Variants in AMN1 observed in about 807,000 individuals in gnomAD.
AMN1 encodes the protein antagonist of mitotic exit network 1 homolog, also known as protein AMN1 homolog.
A neutral mutation model predicts 33.0 loss-of-function variants in AMN1; 20 were observed. The ratio of observed to expected loss-of-function variants is 0.61; its 90% CI spans 0.43 to 0.88. AMN1 has a LOEUF of 0.88. Among genes scored for constraint, AMN1 ranks in the 40% least tolerant of loss-of-function variants. The pLI is 0.00. For missense variants in AMN1, 246 were observed against 307.4 expected, an observed-to-expected ratio of 0.80 and a Z score of 1.49; for synonymous variants, 114 against 111.9, an observed-to-expected ratio of 1.02 and a Z score of -0.12.
chr12:31,676,499 T>G (rs1283209908), intron 6 of AMN1, among the ~76,000 whole-genome samples: 1 of 151,300 alleles, frequency 6.6e-6, no homozygotes, highest in Non-Finnish European at 1.5e-5. Context: ...TTTTTTTGTA[T>G]TTTTAGTAGA....
chr12:31,676,541 C>T (rs1937712280), intron 6 of AMN1, among the ~76,000 whole-genome samples: 1 of 151,204 alleles, frequency 6.6e-6, no homozygotes, highest in Non-Finnish European at 1.5e-5. Flanking sequence ...CCAGGATGGT[C>T]TCGATCTCCT....
intron 1 of AMN1, among the ~76,000 whole-genome samples, chr12:31,720,758 A>C (rs536209101): frequency 6.6e-6 from 1 of 152,356 alleles, no homozygotes; most frequent in East Asian, 1.9e-4. Flanking sequence ...TCCTTTTTAC[A>C]GCTGAATAAC....
chr12:31,717,409 T>A (rs545615330), intron 1 of AMN1, among the ~76,000 whole-genome samples: 1 of 152,368 alleles, frequency 6.6e-6, no homozygotes, highest in South Asian at 2.1e-4. Flanking sequence ...AATAAACATA[T>A]GTGTGCAATA....
chr12:31,726,851 T>C (rs1036322084), intron 1 of AMN1, among the ~76,000 whole-genome samples: 1 of 152,248 alleles, frequency 6.6e-6, no homozygotes, highest in African/African-American at 2.4e-5. Flanking sequence ...GTCATCCCTG[T>C]CTTAGCCCCA....
chr12:31,709,330 C>G lies in AMN1; in HGVS notation c.134G>C (p.Ser45Thr), dbSNP rs772953536. The G allele has an allele frequency of 3.1e-6, 5 of 1,613,728 alleles. No individual in the cohort carries two copies. The Admixed American group carries it at 5.0e-5, about 16-fold the overall frequency. The part of the protein sequence containing the change: ...NIKDRLIKIM[S>T]MQGQITDSNI... ...TGAATCTGTTATCTGTCCCTGCATA[C>G]TCATTATTTTAATCAGTCTGTCTTT... Residue 45 changes from serine (S) to threonine (T), a missense_variant, in exon 2 of 7, where the codon AGT (serine) becomes ACT (threonine). By Grantham distance (58) the Ser-to-Thr change is moderately conservative. Coordinates refer to ENST00000281471, the MANE Select transcript of AMN1 (RefSeq NM_001113402.2).
chr12:31,700,662 G>A (rs1938951161), intron 3 of AMN1, among the ~76,000 whole-genome samples: 1 of 151,404 alleles, frequency 6.6e-6, no homozygotes, highest in East Asian at 1.9e-4. Context: ...ATGTATCCAT[G>A]TTTTGTTTTT....
At chr12:31,688,058 G>A (rs1410325249) in intron 6 of AMN1, among the ~76,000 whole-genome samples, 1 of 152,176 alleles carries the variant, frequency 6.6e-6, no homozygotes, top group East Asian at 1.9e-4. Flanking sequence ...GAGTTCAAGT[G>A]ATTCTCCGTC....
At chr12:31,727,037 T>C (rs1321249882) in intron 1 of AMN1, among the ~76,000 whole-genome samples, 2 of 152,210 alleles carry the variant, frequency 1.3e-5, no homozygotes, top group African/African-American at 4.8e-5. Context: ...TTATTTTTGG[T>C]AGAGACATGG....
chr12:31,685,379 A>G (rs1028180878), intron 6 of AMN1, among the ~76,000 whole-genome samples: 16 of 152,306 alleles, frequency 1.1e-4, no homozygotes, highest in African/African-American at 3.1e-4. Context: ...CTTAAGGTTC[A>G]ACATTAACAG....
chr12:31,701,550 T>C (rs1036569975), intron 3 of AMN1, among the ~76,000 whole-genome samples: 8 of 152,166 alleles, frequency 5.3e-5, no homozygotes, highest in African/African-American at 1.9e-4. Flanking sequence ...GCTCAAGCAG[T>C]CTGCCGGCCT....
intron 1 of AMN1, among the ~76,000 whole-genome samples, chr12:31,721,013 T>A (rs528891098): frequency 3.2e-4 from 48 of 152,310 alleles, no homozygotes; most frequent in African/African-American, 1.1e-3. Flanking sequence ...CGTGGGAATA[T>A]CTCTTGAGTC....
intron 1 of AMN1, among the ~76,000 whole-genome samples, chr12:31,713,287 GTA>G (rs1467161604): frequency 6.6e-6 from 1 of 152,076 alleles, no homozygotes; most frequent in African/African-American, 2.4e-5. Context: ...TATGTTTAAT[GTA>G]TATATGTTTA....
At chr12:31,704,849 T>C (rs1171797534) in intron 2 of AMN1, among the ~76,000 whole-genome samples, 4 of 152,138 alleles carry the variant, frequency 2.6e-5, no homozygotes, top group African/African-American at 4.8e-5. Flanking sequence ...ATGGTAAGGA[T>C]TGCCATCAAA....
chr12:31,728,292 G>A (rs1163443560), intron 1 of AMN1, among the ~76,000 whole-genome samples: 1 of 152,150 alleles, frequency 6.6e-6, no homozygotes, highest in Non-Finnish European at 1.5e-5. Context: ...ACAATTTCTG[G>A]TAGGAAATAA....
rs778123903 is a variant in AMN1 at position 31,701,996 on chromosome 12, A to C, written c.183T>G (p.Pro61=). ...TCCGTAGATCTAGAGTTTGGACTTC[A>C]GGATGTAAAATCTATAACAAATAAG... is the stretch of plus-strand genomic sequence containing the variant. ...TDSNISEILH[P]EVQTLDLRSC... The change falls in exon 3 of 7, where the codon CCT becomes CCG. Residue 61 remains proline, a synonymous_variant. Coordinates refer to ENST00000281471, the MANE Select transcript of AMN1 (RefSeq NM_001113402.2). 6.3e-7 allele frequency: 1 copy of C among 1,596,196 alleles called. No homozygotes were observed. Among genetic ancestry groups the C allele is most frequent in the Non-Finnish European group, 8.5e-7 (1 of 1,174,780 alleles).
At chr12:31,729,084 C>T, upstream of AMN1, 15 of 1,424,402 alleles carry the variant, frequency 1.1e-5, no homozygotes, top group Non-Finnish European at 1.4e-5. Context: ...CCAACTCCCG[C>T]CCACCGCGCG....
At position 31,709,204 on chromosome 12, in the gene AMN1, T is replaced by C. The variant is rs758794930; in HGVS notation, c.171+89A>G. 21 of 1,432,420 alleles carry C rather than the reference T, an allele frequency of 1.5e-5. No individual in the cohort carries two copies. In the South Asian group the frequency reaches 2.4e-4, roughly 16 times the overall value. 88.7% of individuals were successfully genotyped at this position (1,432,420 alleles called of 1,614,324 possible). A position where few individuals can be genotyped will look rare whatever the true frequency, so the allele number is the denominator to read the frequency against. Reference sequence around the variant, plus strand: ...AAAAAAAATTAAAAATGATTACCAGTCTTACCATATACCATTGTTCCAAAA... The same window carrying C: ...AAAAAAAATTAAAAATGATTACCAGCCTTACCATATACCATTGTTCCAAAA... On this transcript the variant is annotated intron_variant, in intron 2 of 6. Coordinates refer to ENST00000281471, the MANE Select transcript of AMN1 (RefSeq NM_001113402.2).
chr12:31,726,938 T>G (rs1249212467), intron 1 of AMN1, among the ~76,000 whole-genome samples: 1 of 152,232 alleles, frequency 6.6e-6, no homozygotes, highest in Non-Finnish European at 1.5e-5. Flanking sequence ...TAAAATTCTA[T>G]CCAAATGAAT....
chr12:31,689,847 T>G (rs1005650688), intron 5 of AMN1, among the ~76,000 whole-genome samples: 1 of 152,202 alleles, frequency 6.6e-6, no homozygotes, highest in Non-Finnish European at 1.5e-5. Flanking sequence ...GAGATTTTGG[T>G]GCAACCATCA....
Sources: gnomAD v4.1 joint callset for allele counts (sites outside exome capture counted in the v4.1 genomes callset) on GRCh38, gnomAD v4.1.1 for gene constraint, MANE v1.5 for transcripts, NCBI Gene and HGNC (gene_info 2026-07-23, HGNC 2026-07-21) for gene names.